BIRC6: variants seen among roughly 807,000 people sequenced by gnomAD.
BIRC6 encodes the protein dual E2 ubiquitin-conjugating enzyme/E3 ubiquitin-protein ligase BIRC6.
BIRC6 carries 98 observed loss-of-function variants against 503.3 expected under a neutral mutation model. The observed-to-expected ratio is 0.19, with a 90% CI of 0.17 to 0.23. The LOEUF is 0.23. Among genes scored for constraint, BIRC6 ranks in the 10% least tolerant of loss-of-function variants. BIRC6 has a pLI of 1.00. For missense variants in BIRC6, 5,360 were observed against 5,806.0 expected, an observed-to-expected ratio of 0.92 and a Z score of 2.50; for synonymous variants, 2,240 against 2,078.7, an observed-to-expected ratio of 1.08 and a Z score of -2.11.
chr2:32,589,639 T>C (rs1290093594), intron 66 of BIRC6, among the ~76,000 whole-genome samples: 2 of 152,312 alleles, frequency 1.3e-5, no homozygotes, highest in East Asian at 3.9e-4. Context: ...CTGTTTTTGA[T>C]GGTGGTAAAC....
chr2:32,498,175 CCTTAA>C (rs2149424201), intron 45 of BIRC6, among the ~76,000 whole-genome samples: 1 of 152,220 alleles, frequency 6.6e-6, no homozygotes, highest in South Asian at 2.1e-4. Context: ...GATTTTCGTG[CCTTAA>C]CTTGCCGAAT....
At chr2:32,578,996 A>ATATATATAT (rs1553517247) in intron 66 of BIRC6, among the ~76,000 whole-genome samples, 47 of 48,460 alleles carry the variant, frequency 9.7e-4, no homozygotes, top group African/African-American at 3.5e-3. Flanking sequence ...ATATACACTT[A>ATATATATAT]ATATATATAT....
chr2:32,471,263 C>A (rs887303244), intron 32 of BIRC6, 139 bp downstream of exon 32: 2 of 1,071,696 alleles, frequency 1.9e-6, no homozygotes, highest in East Asian at 2.8e-5. Flanking sequence ...AAGGAAAATA[C>A]AAATGAACTT....
In BIRC6 at chr2:32,459,893, G is replaced by A. The variant is rs192191180; in HGVS notation, c.4754-3301G>A. 2.3e-3 allele frequency among the ~76,000 whole-genome samples: 345 copies of A among 150,852 alleles called. 1 individual carries two copies. Among genetic ancestry groups the A allele is most frequent in the African/African-American group, 8.3e-3 (341 of 41,178 alleles). On this transcript the variant is annotated intron_variant, in intron 23 of 73. Coordinates refer to ENST00000421745, the MANE Select transcript of BIRC6 (RefSeq NM_016252.4). ...TTGTGTATAAAACTATAATTGATTTGTATATATTACTGTCACATCTGGTGA... is the reference window on the plus strand; with the variant it reads ...TTGTGTATAAAACTATAATTGATTTATATATATTACTGTCACATCTGGTGA...
At chr2:32,494,651 C>T (rs984924571) in intron 45 of BIRC6, among the ~76,000 whole-genome samples, 6 of 151,822 alleles carry the variant, frequency 4.0e-5, no homozygotes, top group South Asian at 4.2e-4. Flanking sequence ...CCTGTAATCC[C>T]GGCACCCTGG....
intron 26 of BIRC6, among the ~76,000 whole-genome samples, chr2:32,465,746 AG>A (rs2048475091): frequency 6.6e-6 from 1 of 152,244 alleles, no homozygotes; most frequent in Admixed American, 6.5e-5. Flanking sequence ...GTGCTTTAGC[AG>A]CAGTAGAATT....
In BIRC6 at chr2:32,416,081, A is replaced by G; in HGVS notation, c.2790A>G (p.Lys930=). Residue 930 remains lysine (K), a synonymous_variant, in exon 10 of 74, where the codon AAA becomes AAG. Transcript: ENST00000421745. The part of the protein sequence containing the change: ...FEILAKVEPP[K]KEGTEEQDTF... ...TTTTGGCCAAAGTGGAGCCTCCCAAAAAGGAGGGCACTGAGGAACAGGACA... is the reference window on the plus strand; with the variant it reads ...TTTTGGCCAAAGTGGAGCCTCCCAAGAAGGAGGGCACTGAGGAACAGGACA... 1.2e-6 allele frequency: 2 copies of G among 1,613,940 alleles called. No individual in the cohort carries two copies. Among genetic ancestry groups the G allele is most frequent in the African/African-American group, 2.7e-5 (2 of 75,028 alleles).
intron 11 of BIRC6, 142 bp from the exon 12 acceptor site, chr2:32,430,723 C>A (rs2043998276): frequency 3.2e-6 from 2 of 626,526 alleles, no homozygotes; most frequent in African/African-American, 3.7e-5. Context: ...ATACCTGAGC[C>A]CACTTTATTA....
At chr2:32,396,603 A>G (rs2039919210) in intron 6 of BIRC6, among the ~76,000 whole-genome samples, 1 of 152,240 alleles carries the variant, frequency 6.6e-6, no homozygotes, top group Admixed American at 6.5e-5. Flanking sequence ...TACCTGAAAC[A>G]GCAGATAGTA....
intron 65 of BIRC6, among the ~76,000 whole-genome samples, chr2:32,569,360 A>T (rs761282051): frequency 6.6e-6 from 1 of 151,604 alleles, no homozygotes; most frequent in African/African-American, 2.4e-5. Context: ...TTTAGATTTT[A>T]TTATTTTATC....
At chr2:32,359,079 C>A (rs534477639) in intron 1 of BIRC6, among the ~76,000 whole-genome samples, 1 of 152,356 alleles carries the variant, frequency 6.6e-6, no homozygotes, top group South Asian at 2.1e-4. Context: ...ATTAAAATCT[C>A]AGCTGAATCT....
chr2:32,406,220 C>T lies in BIRC6; in HGVS notation c.1419-279C>T, dbSNP rs1201410263. Among the ~76,000 whole-genome samples the T allele has an allele frequency of 5.9e-5, 9 of 151,962 alleles. No individual in the cohort carries two copies. The South Asian group carries it at 8.3e-4, about 14-fold the overall frequency. On this transcript the variant is annotated intron_variant, in intron 8 of 73. Transcript: ENST00000421745. Reference sequence around the variant, plus strand: ...CAGCCTGGGCAACATGGTGAGACCCCGTCTCTGCAAAAATTAAAAGAAAAA... The same window carrying T: ...CAGCCTGGGCAACATGGTGAGACCCTGTCTCTGCAAAAATTAAAAGAAAAA...
intron 66 of BIRC6, among the ~76,000 whole-genome samples, chr2:32,590,022 G>A (rs2061303791): frequency 6.6e-6 from 1 of 152,102 alleles, no homozygotes. Flanking sequence ...AACAAAAGGG[G>A]ATCATAGAGT....
chr2:32,491,356 C>G, intron 43 of BIRC6, 69 bp from the exon 44 acceptor site: 2 of 1,401,348 alleles, frequency 1.4e-6, no homozygotes, highest in South Asian at 3.0e-5. Flanking sequence ...CTAAAAGATG[C>G]TTTCAGATAC....
chr2:32,428,385 C>T (rs2043755012), intron 10 of BIRC6, among the ~76,000 whole-genome samples: 1 of 152,190 alleles, frequency 6.6e-6, no homozygotes, highest in South Asian at 2.1e-4. Flanking sequence ...AGCAGATCTC[C>T]TTGTTTGTTT....
chr2:32,595,554 C>A (rs958486446), intron 68 of BIRC6, among the ~76,000 whole-genome samples: 20 of 152,296 alleles, frequency 1.3e-4, no homozygotes, highest in African/African-American at 4.8e-4. Flanking sequence ...TAGTTCAGTT[C>A]TAGCTTTTCC....
chr2:32,549,548 TAGTA>T (rs2058296903), intron 65 of BIRC6, 67 bp downstream of exon 65: 8 of 1,229,126 alleles, frequency 6.5e-6, no homozygotes, highest in African/African-American at 6.2e-5. Context: ...CATTGTCTAA[TAGTA>T]AGTTTCAGTT....
At chr2:32,391,387 T>C (rs2039209857) in intron 4 of BIRC6, among the ~76,000 whole-genome samples, 2 of 152,178 alleles carry the variant, frequency 1.3e-5, no homozygotes, top group Admixed American at 1.3e-4. Flanking sequence ...TTGGGTAATA[T>C]AACGAAATGA....
intron 42 of BIRC6, 144 bp downstream of exon 42, chr2:32,488,858 A>G (rs1335472282): frequency 1.7e-6 from 1 of 576,826 alleles, no homozygotes. Flanking sequence ...AAAAAGATGC[A>G]CTAACTTACC....
Sources: allele counts gnomAD v4.1 joint callset (sites outside exome capture counted in the v4.1 genomes callset), GRCh38; gene constraint gnomAD v4.1.1; transcripts MANE v1.5; gene names NCBI Gene and HGNC (gene_info 2026-07-23, HGNC 2026-07-21).